CTNNA3: variants seen among roughly 807,000 people sequenced by gnomAD.
CTNNA3 encodes catenin alpha-3.
Under a neutral mutation model 95.7 loss-of-function variants are expected in CTNNA3, and 76 were observed. The observed-to-expected ratio is 0.79, with a 90% confidence interval of 0.66 to 0.96. CTNNA3 has a LOEUF of 0.96. Ranked by LOEUF, CTNNA3 falls within the 40% of genes least tolerant of loss-of-function variation. The pLI is 0.00. For missense variants in CTNNA3, 1,191 were observed against 1,089.8 expected (o/e 1.09, Z -1.31); for synonymous variants, 431 against 374.4 (o/e 1.15, Z -1.74).
chr10:66,742,482 A>T (rs1849360211), intron 9 of CTNNA3, among the ~76,000 whole-genome samples: 1 of 152,122 alleles, frequency 6.6e-6, no homozygotes, highest in Non-Finnish European at 1.5e-5. Context: ...TACCTTGTGA[A>T]GCATGTGATC....
At chr10:66,123,006 GC>G (rs1270178535) in intron 13 of CTNNA3, among the ~76,000 whole-genome samples, 1 of 151,988 alleles carries the variant, frequency 6.6e-6, no homozygotes, top group Non-Finnish European at 1.5e-5. Flanking sequence ...TTCCACCCCA[GC>G]CCCTCCCAAA....
intron 7 of CTNNA3, among the ~76,000 whole-genome samples, chr10:67,123,691 A>G (rs1405185232): frequency 6.6e-6 from 1 of 152,198 alleles, no homozygotes; most frequent in East Asian, 1.9e-4. Context: ...AGAATGGTGT[A>G]CTTACTGAGA....
At chr10:66,428,639 G>A (rs556986157) in intron 11 of CTNNA3, among the ~76,000 whole-genome samples, 21 of 139,760 alleles carry the variant, frequency 1.5e-4, no homozygotes, top group African/African-American at 5.0e-4. Flanking sequence ...TGAACAACCT[G>A]CTCCTGAATG....
chr10:67,005,687 T>TTTTTTTTTTTGTTTG (rs1851936067), intron 7 of CTNNA3, among the ~76,000 whole-genome samples: 1 of 102,258 alleles, frequency 9.8e-6, no homozygotes, highest in African/African-American at 3.1e-5. Context: ...TCCATCTTTT[T>TTTTTTTTTTTGTTTG]TTTTTTTTTT....
At chr10:66,439,461 C>T (rs7097799) in intron 11 of CTNNA3, among the ~76,000 whole-genome samples, 58,066 of 151,860 alleles carry the variant, frequency 0.38, 11,661 homozygotes, top group African/African-American at 0.5. Context: ...GATTATGATA[C>T]AGAGGTTAGC....
At chr10:67,476,390 A>C (rs1848012626) in intron 5 of CTNNA3, among the ~76,000 whole-genome samples, 1 of 152,024 alleles carries the variant, frequency 6.6e-6, no homozygotes, top group South Asian at 2.1e-4. Flanking sequence ...AGAGACACCC[A>C]CTGTTCTTAT....
At chr10:66,956,853 G>A (rs1325614340) in intron 7 of CTNNA3, among the ~76,000 whole-genome samples, 2 of 152,190 alleles carry the variant, frequency 1.3e-5, no homozygotes, top group Non-Finnish European at 2.9e-5. Context: ...TAACCCTTAG[G>A]AGATCTGGCA....
chr10:66,084,932 C>T (rs2080923873), intron 14 of CTNNA3: 1 of 152,066 alleles, frequency 6.6e-6, no homozygotes, highest in African/African-American at 2.4e-5. Context: ...TAATTAGGAA[C>T]TGGTCCCAGG....
intron 1 of CTNNA3, among the ~76,000 whole-genome samples, chr10:67,760,131 A>C (rs1841454803): frequency 1.3e-5 from 2 of 152,218 alleles, no homozygotes; most frequent in Admixed American, 1.3e-4. Context: ...AGATAAAGTA[A>C]AGTTTCATCC....
intron 11 of CTNNA3, among the ~76,000 whole-genome samples, chr10:66,468,547 G>T (rs1194419606): frequency 6.6e-6 from 1 of 151,922 alleles, no homozygotes; most frequent in Non-Finnish European, 1.5e-5. Context: ...GATCTAATGT[G>T]CAGCATGGTG....
intron 11 of CTNNA3, among the ~76,000 whole-genome samples, chr10:66,413,663 T>A (rs1045758395): frequency 6.6e-6 from 1 of 152,194 alleles, no homozygotes; most frequent in Non-Finnish European, 1.5e-5. Context: ...TATAAAGGCA[T>A]GGAAATACAA....
chr10:67,630,000 C>A (rs1280072737), intron 2 of CTNNA3, among the ~76,000 whole-genome samples: 1 of 152,110 alleles, frequency 6.6e-6, no homozygotes, highest in Non-Finnish European at 1.5e-5. Context: ...CTAACGGGAC[C>A]AATTCATAAT....
intron 5 of CTNNA3, among the ~76,000 whole-genome samples, chr10:67,246,046 T>C (rs1865891282): frequency 6.6e-6 from 1 of 152,164 alleles, no homozygotes; most frequent in South Asian, 2.1e-4. Context: ...TTTGCGAGAA[T>C]TCATATAGAA....
At chr10:66,596,543 T>C (rs1189120461) in intron 10 of CTNNA3, among the ~76,000 whole-genome samples, 1 of 152,156 alleles carries the variant, frequency 6.6e-6, no homozygotes, top group Non-Finnish European at 1.5e-5. Context: ...GCAACAAGCC[T>C]GGCTTTGCAT....
At chr10:66,587,847 G>A (rs1843412689) in intron 10 of CTNNA3, among the ~76,000 whole-genome samples, 2 of 152,138 alleles carry the variant, frequency 1.3e-5, no homozygotes, top group Admixed American at 6.5e-5. Context: ...CAGCTTTCAG[G>A]CCGCACCCCT....
At chr10:66,289,534 A>G (rs181804348) in intron 12 of CTNNA3, among the ~76,000 whole-genome samples, 6 of 151,924 alleles carry the variant, frequency 3.9e-5, no homozygotes, top group South Asian at 2.1e-4. Context: ...ATAGAAATTG[A>G]TTGTAAACTT....
intron 15 of CTNNA3, among the ~76,000 whole-genome samples, chr10:66,054,490 C>T (rs1362636026): frequency 6.6e-6 from 1 of 152,100 alleles, no homozygotes; most frequent in Non-Finnish European, 1.5e-5. Context: ...TATGGAGCAT[C>T]TTTTCATATA....
At chr10:67,338,453 C>T (rs1842069044) in intron 5 of CTNNA3, among the ~76,000 whole-genome samples, 1 of 152,092 alleles carries the variant, frequency 6.6e-6, no homozygotes, top group African/African-American at 2.4e-5. Context: ...AGTTTCAACA[C>T]TGGGAATTAC....
intron 5 of CTNNA3, among the ~76,000 whole-genome samples, chr10:67,488,391 C>A (rs951946060): frequency 2.0e-5 from 3 of 152,088 alleles, no homozygotes; most frequent in East Asian, 1.9e-4. Context: ...CTTTTTGAGA[C>A]GGAGTTTTGC....
Sources: gnomAD v4.1 joint callset for allele counts (sites outside exome capture counted in the v4.1 genomes callset) on GRCh38, gnomAD v4.1.1 for gene constraint, MANE v1.5 for transcripts, NCBI Gene and HGNC (gene_info 2026-07-23, HGNC 2026-07-21) for gene names.